Variants in FAT4 observed in about 807,000 individuals in gnomAD.
FAT4 encodes the protein FAT atypical cadherin 4, also known as protocadherin Fat 4.
A neutral mutation model predicts 303.9 loss-of-function variants in FAT4; 84 were observed. The observed-to-expected ratio is 0.28, with a 90% CI of 0.23 to 0.33. The LOEUF is 0.33. Ranked by LOEUF, FAT4 falls within the 10% of genes least tolerant of loss-of-function variation. FAT4 has a pLI of 1.00. For synonymous variants in FAT4, 2,307 were observed against 2,298.8 expected (o/e 1.00, Z -0.10); for missense variants, 6,005 against 6,146.8 (o/e 0.98, Z 0.77).
chr4:125,353,142 A>G (rs1217991977), intron 2 of FAT4, among the ~76,000 whole-genome samples: 1 of 151,754 alleles, frequency 6.6e-6, no homozygotes, highest in Non-Finnish European at 1.5e-5. Flanking sequence ...CCAAAATCGG[A>G]TCTTATTTTT....
At position 125,331,384 on chromosome 4, in the gene FAT4, T is replaced by C. The variant is rs763621433; in HGVS notation, c.5175+9798T>C. Among the ~76,000 whole-genome samples, 3 of 152,174 alleles carry C rather than the reference T, an allele frequency of 2.0e-5. No individual in the cohort carries two copies. The East Asian group carries it at 5.8e-4, about 29-fold the overall frequency. ...TGAAGTAGGGGAGTCATTTTTCATC[T>C]CTTAAGCCAAGACTTTAGAGCCTCT... is the stretch of plus-strand genomic sequence containing the variant. On this transcript the variant is annotated intron_variant, in intron 2 of 17. Coordinates refer to ENST00000394329, the MANE Select transcript of FAT4 (RefSeq NM_001291303.3).
At chr4:125,439,876 G>C (rs1184417764) in intron 8 of FAT4, among the ~76,000 whole-genome samples, 1 of 152,048 alleles carries the variant, frequency 6.6e-6, no homozygotes, top group Non-Finnish European at 1.5e-5. Context: ...AGTCATTTTA[G>C]TGCCTCAAAG....
At chr4:125,362,743 G>A (rs1732721347) in intron 2 of FAT4, 1 of 152,106 alleles carries the variant, frequency 6.6e-6, no homozygotes, top group Non-Finnish European at 1.5e-5. Flanking sequence ...AATACAGGAT[G>A]ATTTCTATTA....
chr4:125,329,670 A>G (rs7682320), intron 2 of FAT4, among the ~76,000 whole-genome samples: 12,512 of 152,206 alleles, frequency 0.082, 670 homozygotes, highest in Middle Eastern at 0.18. Flanking sequence ...TGAACCCTAC[A>G]TTCGTATAAC....
intron 2 of FAT4, among the ~76,000 whole-genome samples, chr4:125,354,035 A>T (rs1732334166): frequency 6.6e-6 from 1 of 151,766 alleles, no homozygotes; most frequent in South Asian, 2.1e-4. Context: ...AGAATAAAAC[A>T]ATGTTGGAAA....
rs147365478 is a variant in FAT4 at position 125,476,531 on chromosome 4, T to C, written c.12299+275T>C. ...GAAAGATTCATGAAATAATTGCATA[T>C]GACCTTCATTCTGAAAAACATGTAG... On this transcript the variant is annotated intron_variant, in intron 13 of 17. Coordinates refer to ENST00000394329, the MANE Select transcript of FAT4 (RefSeq NM_001291303.3). Among the ~76,000 whole-genome samples, 261 of 152,332 alleles carry C rather than the reference T, an allele frequency of 1.7e-3. 1 individual carries two copies. The highest frequency in any genetic ancestry group is 5.7e-3 in the African/African-American group (239 of 41,582).
chr4:125,345,174 A>G (rs1254294676), intron 2 of FAT4, among the ~76,000 whole-genome samples: 1 of 152,142 alleles, frequency 6.6e-6, no homozygotes, highest in Non-Finnish European at 1.5e-5. Flanking sequence ...TGGTGAGCAG[A>G]TGAATATCCA....
At chr4:125,383,222 A>G (rs1318737591) in intron 2 of FAT4, among the ~76,000 whole-genome samples, 1 of 152,148 alleles carries the variant, frequency 6.6e-6, no homozygotes, top group East Asian at 1.9e-4. Flanking sequence ...CTACTTCACT[A>G]AGCTTAATTA....
At chr4:125,391,318 C>T (rs1048534179) in intron 2 of FAT4, among the ~76,000 whole-genome samples, 10 of 152,124 alleles carry the variant, frequency 6.6e-5, no homozygotes, top group Admixed American at 6.5e-4. Flanking sequence ...TACATATACA[C>T]CATGGAATAC....
At chr4:125,460,909 T>C (rs1726460611) in intron 10 of FAT4, among the ~76,000 whole-genome samples, 1 of 152,116 alleles carries the variant, frequency 6.6e-6, no homozygotes, top group African/African-American at 2.4e-5. Flanking sequence ...AGGAACAACC[T>C]TATTTTTAAA....
At chr4:125,330,653 T>A (rs952016170) in intron 2 of FAT4, among the ~76,000 whole-genome samples, 1 of 152,214 alleles carries the variant, frequency 6.6e-6, no homozygotes, top group African/African-American at 2.4e-5. Flanking sequence ...TCTAGAACAT[T>A]ACTTGGAACA....
chr4:125,472,870 TC>T (rs1171480360), intron 12 of FAT4, among the ~76,000 whole-genome samples: 8 of 152,144 alleles, frequency 5.3e-5, no homozygotes, highest in Admixed American at 3.3e-4. Flanking sequence ...GCATTCAGGG[TC>T]CTACCAGGTT....
intron 3 of FAT4, among the ~76,000 whole-genome samples, chr4:125,401,713 A>G (rs1046278160): frequency 1.3e-4 from 18 of 135,702 alleles, no homozygotes; most frequent in Non-Finnish European, 3.2e-5. Flanking sequence ...TCAGAAGCAC[A>G]TGATTCCGTT....
At chr4:125,356,706 T>G (rs1325366971) in intron 2 of FAT4, among the ~76,000 whole-genome samples, 1 of 149,780 alleles carries the variant, frequency 6.7e-6, no homozygotes, top group Non-Finnish European at 1.5e-5. Flanking sequence ...GTAATAGTCT[T>G]TACAATGCAC....
Position 125,316,677 on chromosome 4 carries a change from C to A in FAT4, c.266C>A (p.Ala89Asp), listed in dbSNP as rs751432859. The A allele has an allele frequency of 1.9e-6, 3 of 1,613,598 alleles. No individual in the cohort carries two copies. Among genetic ancestry groups the A allele is most frequent in the Admixed American group, 1.7e-5 (1 of 60,024 alleles). ...TTTGCCATAAACAGTAGCACCGGAG[C>A]CCTGTACACCACCTCCACCATCGAC... ...ALFAINSSTG[A>D]LYTTSTIDRE... The change falls in exon 2 of 18, where the codon GCC (alanine) becomes GAC (aspartate). Residue 89 changes from alanine (A) to aspartate (D), a missense_variant. Ala to Asp is a moderately radical substitution (Grantham distance 126). Transcript: ENST00000394329. This position sits in a 1 kb window ranked among gnomAD's most constrained non-coding sequence, Gnocchi z 5.7.
Position 125,321,448 on chromosome 4 carries a change from C to T in FAT4, c.5037C>T (p.Arg1679=). The T allele has an allele frequency of 6.2e-7, 1 of 1,614,068 alleles. No homozygotes were observed. The highest frequency in any genetic ancestry group is 2.2e-5 in the East Asian group (1 of 44,872). ...GTTGTGAAGAAAAAACTGTTGGACG[C>T]CTCTTTACTATTGGACGACATACTG... ...SVRCEEKTVG[R]LFTIGRHTGI... is the part of the protein sequence containing the mutation. Residue 1679 remains arginine, a synonymous_variant, in exon 2 of 18, where the codon CGC becomes CGT. Transcript: ENST00000394329.
Position 125,489,979 on chromosome 4 carries a change from C to T in FAT4, c.13163C>T (p.Ser4388Phe), listed in dbSNP as rs772708041. Reference protein sequence around the residue: ...LPFSGKHSLASISKTDPSVKI... With the variant: ...LPFSGKHSLAFISKTDPSVKI... Reference sequence around the variant, plus strand: ...TTCAGCGGGAAGCATAGCTTGGCCTCCATCTCAAAAACAGATCCCTCAGTG... The same window carrying T: ...TTCAGCGGGAAGCATAGCTTGGCCTTCATCTCAAAAACAGATCCCTCAGTG... Residue 4388 changes from serine to phenylalanine, a missense_variant, in exon 18 of 18, where the codon TCC becomes TTC. By Grantham distance (155) the Ser-to-Phe change is radical (BLOSUM62 -2). Transcript: ENST00000394329. The T allele has an allele frequency of 8.1e-6, 13 of 1,609,854 alleles. No individual in the cohort carries two copies. The highest frequency in any genetic ancestry group is 1.0e-5 in the Non-Finnish European group (12 of 1,179,280).
chr4:125,484,287 C>CT (rs1387772781), intron 16 of FAT4, among the ~76,000 whole-genome samples: 1 of 152,038 alleles, frequency 6.6e-6, no homozygotes, highest in Non-Finnish European at 1.5e-5. Context: ...AAGAAAGTTT[C>CT]AGAGAGAAAG....
intron 10 of FAT4, among the ~76,000 whole-genome samples, chr4:125,460,961 AATTTCT>A (rs1351251567): frequency 1.3e-5 from 2 of 152,098 alleles, no homozygotes; most frequent in Admixed American, 1.3e-4. Flanking sequence ...TTTTCTTAAC[AATTTCT>A]ATTTCTATTT....
Sources: allele counts gnomAD v4.1 joint callset (sites outside exome capture counted in the v4.1 genomes callset), GRCh38; gene constraint gnomAD v4.1.1; non-coding constraint Gnocchi (gnomAD v3.1); transcripts MANE v1.5; gene names NCBI Gene and HGNC (gene_info 2026-07-23, HGNC 2026-07-21).